Variants in ADGRB3 observed in about 807,000 individuals in gnomAD.
ADGRB3 encodes the protein adhesion G protein-coupled receptor B3, also known as brain-specific angiogenesis inhibitor 3.
A neutral mutation model predicts 193.4 loss-of-function variants in ADGRB3; 37 were observed. The ratio of observed to expected loss-of-function variants is 0.19; its 90% CI spans 0.15 to 0.25. ADGRB3 has a LOEUF of 0.25. Ranked by LOEUF, ADGRB3 falls within the 10% of genes least tolerant of loss-of-function variation. The pLI is 1.00. For synonymous variants in ADGRB3, 690 were observed against 644.2 expected (o/e 1.07, Z -1.08); for missense variants, 1,637 against 1,852.9 (o/e 0.88, Z 2.14).
intron 3 of ADGRB3, among the ~76,000 whole-genome samples, chr6:68,879,273 G>T (rs1337964103): frequency 7.3e-6 from 1 of 136,820 alleles, no homozygotes; most frequent in Non-Finnish European, 1.5e-5. Flanking sequence ...CTGGAGTGCA[G>T]TGGCAGGATC....
chr6:68,757,796 C>G (rs1766324629), intron 3 of ADGRB3, among the ~76,000 whole-genome samples: 1 of 152,088 alleles, frequency 6.6e-6, no homozygotes, highest in African/African-American at 2.4e-5. Context: ...GGGCTTACCA[C>G]CAATGTTTCA....
At chr6:69,330,758 G>T (rs1768704432) in intron 23 of ADGRB3, among the ~76,000 whole-genome samples, 186 bp downstream of exon 23, 1 of 151,754 alleles carries the variant, frequency 6.6e-6, no homozygotes, top group Non-Finnish European at 1.5e-5. Flanking sequence ...TTCTTATTTT[G>T]AATACTGAAG....
At chr6:69,264,063 T>C (rs1766983254) in intron 20 of ADGRB3, among the ~76,000 whole-genome samples, 1 of 152,012 alleles carries the variant, frequency 6.6e-6, no homozygotes, top group Non-Finnish European at 1.5e-5. Context: ...CATCCATAGA[T>C]GGATACATGT....
chr6:69,274,510 C>CT, intron 20 of ADGRB3, among the ~76,000 whole-genome samples: 1 of 85,186 alleles, frequency 1.2e-5, no homozygotes, highest in Non-Finnish European at 2.3e-5. Flanking sequence ...TCTTCTTTCC[C>CT]TTCTTCCTTC....
intron 3 of ADGRB3, among the ~76,000 whole-genome samples, chr6:68,728,336 T>C (rs1403650638): frequency 6.6e-6 from 1 of 151,498 alleles, no homozygotes; most frequent in Non-Finnish European, 1.5e-5. Context: ...TCTAGATTTA[T>C]GTATGCAAAT....
chr6:69,259,478 G>A lies in ADGRB3; in HGVS notation c.2814+20252G>A, dbSNP rs1046729901. On this transcript the variant is annotated intron_variant, in intron 20 of 31. Coordinates refer to ENST00000370598, the MANE Select transcript of ADGRB3 (RefSeq NM_001704.3). ...TGGGAGGCCAAGGTGGGCGGATCACGAGGCCAGGAGATCGAGACCATCCTG... is the reference window on the plus strand; with the variant it reads ...TGGGAGGCCAAGGTGGGCGGATCACAAGGCCAGGAGATCGAGACCATCCTG... Among the ~76,000 whole-genome samples the A allele has an allele frequency of 1.1e-4, 17 of 151,990 alleles. 1 individual carries two copies. Among genetic ancestry groups the A allele is most frequent in the Admixed American group, 8.5e-4 (13 of 15,252 alleles).
intron 3 of ADGRB3, among the ~76,000 whole-genome samples, chr6:68,842,972 T>C (rs1212733739): frequency 6.6e-6 from 1 of 151,366 alleles, no homozygotes; most frequent in Non-Finnish European, 1.5e-5. Context: ...AAATTCAATA[T>C]CACTTTATGG....
At chr6:68,639,462 G>T (rs778500755) in intron 3 of ADGRB3, 30 bp downstream of exon 3, 1 of 1,554,338 alleles carries the variant, frequency 6.4e-7, no homozygotes, top group Non-Finnish European at 8.7e-7. Context: ...GAAGGTGAGC[G>T]GGGGAGCACT....
chr6:68,827,025 C>T (rs186945303), intron 3 of ADGRB3, among the ~76,000 whole-genome samples: 304 of 152,062 alleles, frequency 2.0e-3, no homozygotes, highest in African/African-American at 6.2e-3. Context: ...GTGGCATAAG[C>T]GTATTGATTT....
intron 3 of ADGRB3, among the ~76,000 whole-genome samples, chr6:68,772,885 AAAAAAAAAAATATATATATATATATATAT>A (rs1287706365): frequency 2.8e-4 from 12 of 42,886 alleles, no homozygotes; most frequent in African/African-American, 1.1e-3. Context: ...AAACAAACAA[AAAAAAAAAAATATATATATATATATATAT>A]ATATATATAT....
At chr6:68,637,801 GA>G (rs1044644444) in intron 2 of ADGRB3, among the ~76,000 whole-genome samples, 15 of 101,784 alleles carry the variant, frequency 1.5e-4, no homozygotes, top group African/African-American at 5.3e-4. Context: ...TATGGTTCTG[GA>G]TTTTTTTTTT....
At chr6:68,898,717 C>T (rs551632310) in intron 3 of ADGRB3, among the ~76,000 whole-genome samples, 1 of 152,202 alleles carries the variant, frequency 6.6e-6, no homozygotes, top group South Asian at 2.1e-4. Context: ...AAACAGGTAA[C>T]TAAGCTATCA....
chr6:68,757,154 A>C (rs1401000362), intron 3 of ADGRB3, among the ~76,000 whole-genome samples: 1 of 151,960 alleles, frequency 6.6e-6, no homozygotes, highest in Non-Finnish European at 1.5e-5. Context: ...TCTTTTCTCT[A>C]TCAGGAGCAC....
At chr6:68,751,513 C>T (rs1766198500) in intron 3 of ADGRB3, among the ~76,000 whole-genome samples, 1 of 152,120 alleles carries the variant, frequency 6.6e-6, no homozygotes, top group Non-Finnish European at 1.5e-5. Context: ...AGAGAGAACT[C>T]TATTTAAAAA....
intron 11 of ADGRB3, among the ~76,000 whole-genome samples, chr6:69,005,761 G>A (rs1769730334): frequency 6.6e-6 from 1 of 152,144 alleles, no homozygotes; most frequent in Non-Finnish European, 1.5e-5. Flanking sequence ...CTGGCCTGCT[G>A]CAGACCCCAC....
chr6:68,815,266 T>C (rs1052593695), intron 3 of ADGRB3, among the ~76,000 whole-genome samples: 1 of 152,150 alleles, frequency 6.6e-6, no homozygotes, highest in East Asian at 1.9e-4. Context: ...GTTCTAAACC[T>C]TTTCCTTTGT....
chr6:68,998,102 G>T (rs1769445356), intron 11 of ADGRB3, among the ~76,000 whole-genome samples: 1 of 152,018 alleles, frequency 6.6e-6, no homozygotes, highest in African/African-American at 2.4e-5. Context: ...TTCTTTCATT[G>T]CTTTAACATG....
chr6:69,012,298 A>G (rs1401781642), intron 11 of ADGRB3, among the ~76,000 whole-genome samples: 1 of 151,994 alleles, frequency 6.6e-6, no homozygotes, highest in Non-Finnish European at 1.5e-5. Flanking sequence ...TAGCAGCAGC[A>G]TGCATTTTGT....
At chr6:69,101,692 T>C (rs1773060165) in intron 17 of ADGRB3, among the ~76,000 whole-genome samples, 1 of 151,112 alleles carries the variant, frequency 6.6e-6, no homozygotes, top group Admixed American at 6.6e-5. Context: ...CTGTTCTAAA[T>C]CTTTGTGTGT....
Sources: allele counts gnomAD v4.1 joint callset (sites outside exome capture counted in the v4.1 genomes callset), GRCh38; gene constraint gnomAD v4.1.1; transcripts MANE v1.5; gene names NCBI Gene and HGNC (gene_info 2026-07-23, HGNC 2026-07-21).